Variants in TG observed in about 807,000 individuals in gnomAD.
TG encodes thyroglobulin, also known as thyroid hormones.
Under a neutral mutation model 324.7 loss-of-function variants are expected in TG, and 270 were observed. The observed-to-expected ratio is 0.83, with a 90% CI of 0.75 to 0.92. The LOEUF is 0.92. Among genes scored for constraint, TG ranks in the 40% least tolerant of loss-of-function variants. The pLI is 0.00. For synonymous variants in TG, 1,401 were observed against 1,327.0 expected (o/e 1.06, Z -1.21); for missense variants, 3,591 against 3,456.4 (o/e 1.04, Z -0.98).
At chr8:132,926,866 G>A (rs1233491714) in intron 22 of TG, among the ~76,000 whole-genome samples, 2 of 152,158 alleles carry the variant, frequency 1.3e-5, no homozygotes, top group African/African-American at 2.4e-5. Context: ...CTCCTGAGTT[G>A]GTGCCTCTCC....
chr8:132,931,832 A>G (rs1036905954), intron 23 of TG, among the ~76,000 whole-genome samples: 5 of 152,196 alleles, frequency 3.3e-5, no homozygotes, highest in Non-Finnish European at 7.3e-5. Flanking sequence ...ACAGTAGCTC[A>G]TGCTTGTAAT....
intron 41 of TG, 26 bp downstream of exon 41, chr8:133,030,049 G>A (rs750755626): frequency 1.2e-6 from 2 of 1,614,024 alleles, no homozygotes; most frequent in African/African-American, 1.3e-5. Context: ...TCTACCTTCA[G>A]TCTTACTGCA....
chr8:133,130,431 A>G (rs1851850558), intron 45 of TG, among the ~76,000 whole-genome samples: 1 of 152,226 alleles, frequency 6.6e-6, no homozygotes, highest in Non-Finnish European at 1.5e-5. Flanking sequence ...GCTCAATTTA[A>G]TCACATGAGT....
intron 35 of TG, among the ~76,000 whole-genome samples, chr8:133,004,944 A>G (rs78619383): frequency 0.018 from 2,789 of 152,294 alleles, 39 homozygotes; most frequent in Non-Finnish European, 0.029. Context: ...GACAGTTCCT[A>G]GAGGGGCTGA....
In TG at chr8:132,886,508, C is replaced by T. The variant is rs567662997; in HGVS notation, c.1136C>T (p.Thr379Ile). 3.1e-6 allele frequency: 5 copies of T among 1,614,218 alleles called. No homozygotes were observed. Among genetic ancestry groups the T allele is most frequent in the East Asian group, 2.2e-5 (1 of 44,880 alleles). Residue 379 changes from threonine (T) to isoleucine (I), a missense_variant, in exon 9 of 48, where the codon ACC becomes ATC. Transcript: ENST00000220616. Reference protein sequence around the residue: ...QQALSRLYFGTSGYFSQHDLF... With the variant: ...QQALSRLYFGISGYFSQHDLF... ...GCCTTGTCCAGACTCTACTTTGGGA[C>T]CTCAGGCTACTTCAGCCAGCACGAC...
chr8:132,883,605 C>A (rs1017476913), intron 8 of TG, among the ~76,000 whole-genome samples: 2 of 152,074 alleles, frequency 1.3e-5, no homozygotes, highest in East Asian at 1.9e-4. Context: ...ACAATGAGGT[C>A]TTTGTTATCC....
intron 34 of TG, among the ~76,000 whole-genome samples, chr8:132,980,077 A>G (rs1830635609): frequency 6.6e-6 from 1 of 152,098 alleles, no homozygotes; most frequent in South Asian, 2.1e-4. Flanking sequence ...GCATAGGACA[A>G]GGGGGCTGGG....
At chr8:133,107,982 C>CTTTTT (rs377363035) in intron 43 of TG, among the ~76,000 whole-genome samples, 1 of 134,118 alleles carries the variant, frequency 7.5e-6, no homozygotes, top group Non-Finnish European at 1.6e-5. Flanking sequence ...TTCTTTTCTT[C>CTTTTT]TTTTTTTTTT....
intron 35 of TG, among the ~76,000 whole-genome samples, chr8:132,993,784 G>A (rs1464574996): frequency 2.0e-5 from 3 of 152,088 alleles, no homozygotes; most frequent in Admixed American, 2.0e-4. Flanking sequence ...TTTTGTACCT[G>A]GTCCATCAAA....
At chr8:133,133,400 G>A (rs1852094443) in intron 46 of TG, 70 bp from the exon 47 acceptor site, 2 of 1,467,146 alleles carry the variant, frequency 1.4e-6, no homozygotes, top group Non-Finnish European at 1.9e-6. Flanking sequence ...GTGCAAGTGG[G>A]AAGTGATTCA....
chr8:133,049,074 G>A (rs1839960629), intron 41 of TG: 1 of 440,530 alleles, frequency 2.3e-6, no homozygotes, highest in Non-Finnish European at 4.6e-6. Flanking sequence ...TCCAGGAGGT[G>A]AAGCGACTTT....
At chr8:132,988,637 T>C (rs141532260) in intron 35 of TG, 19 of 904,562 alleles carry the variant, frequency 2.1e-5, no homozygotes, top group Middle Eastern at 5.7e-4. Flanking sequence ...GGATAAAAAT[T>C]GTTTTATAAA....
chr8:133,040,144 C>G lies in TG; in HGVS notation c.7239+10121C>G, dbSNP rs773005059. On this transcript the variant is annotated intron_variant, in intron 41 of 47. Transcript: ENST00000220616. ...CATCAGCCACCTCTGAGGAGGGAAG[C>G]AGACAGCCGGTCAGGGACCCTGGGG... is the stretch of plus-strand genomic sequence containing the variant. The G allele has an allele frequency of 3.4e-5, 54 of 1,576,550 alleles. 1 individual carries two copies. Among genetic ancestry groups the G allele is most frequent in the Non-Finnish European group, 4.5e-5 (52 of 1,161,434 alleles).
intron 43 of TG, among the ~76,000 whole-genome samples, chr8:133,107,550 C>T (rs1755931688): frequency 6.6e-6 from 1 of 152,228 alleles, no homozygotes. Context: ...CTGGCAATGG[C>T]ATCTGTGCTC....
chr8:132,873,180 C>T lies in TG; in HGVS notation c.597C>T (p.Thr199=). 6.2e-7 allele frequency: 1 copy of T among 1,614,150 alleles called. No homozygotes were observed. The highest frequency in any genetic ancestry group is 1.3e-5 in the African/African-American group (1 of 75,026). Residue 199 remains threonine (T), a synonymous_variant, in exon 5 of 48, where the codon ACC becomes ACT. Transcript: ENST00000220616. ...CTGTCCAGTGCAAATTTGTCAACACCACAGACATGATGATTTTTGATCTGG... is the reference window on the plus strand; with the variant it reads ...CTGTCCAGTGCAAATTTGTCAACACTACAGACATGATGATTTTTGATCTGG... ...FMPVQCKFVN[T]TDMMIFDLVH...
intron 36 of TG, 83 bp from the exon 37 acceptor site, chr8:133,013,517 G>A (rs1564072780): frequency 1.4e-5 from 21 of 1,544,760 alleles, no homozygotes; most frequent in Non-Finnish European, 1.6e-5. Context: ...ATGAGTGGAT[G>A]GTTGGATGGA....
intron 35 of TG, chr8:133,002,261 G>A: frequency 2.0e-6 from 2 of 985,446 alleles, no homozygotes; most frequent in African/African-American, 3.5e-5. Context: ...TGCCTGTGGG[G>A]TGCATGCAGC....
At position 133,022,087 on chromosome 8, in the gene TG, G is replaced by C; in HGVS notation, c.6973G>C (p.Val2325Leu). The C allele has an allele frequency of 3.7e-6, 6 of 1,614,198 alleles. No individual in the cohort carries two copies. Among genetic ancestry groups the C allele is most frequent in the Non-Finnish European group, 5.1e-6 (6 of 1,180,042 alleles). ...TATCGACGGCTCCTTCTTGGCTGCT[G>C]TTGGCAACCTCATCGTGGTCACTGC... Reference protein sequence around the residue: ...PAIDGSFLAAVGNLIVVTASY... With the variant: ...PAIDGSFLAALGNLIVVTASY... The change falls in exon 40 of 48, where the codon GTT becomes CTT. Residue 2325 changes from valine to leucine, a missense_variant. By Grantham distance (32) the Val-to-Leu change is conservative. Transcript: ENST00000220616.
chr8:133,023,418 A>G (rs1554700609), intron 40 of TG, among the ~76,000 whole-genome samples: 1 of 151,128 alleles, frequency 6.6e-6, no homozygotes, highest in Non-Finnish European at 1.5e-5. Context: ...TCCAAATCTC[A>G]GTTTTCTTGG....
Sources: gnomAD v4.1 joint callset for allele counts (sites outside exome capture counted in the v4.1 genomes callset) on GRCh38, gnomAD v4.1.1 for gene constraint, MANE v1.5 for transcripts, NCBI Gene and HGNC (gene_info 2026-07-23, HGNC 2026-07-21) for gene names.